The following BMPER variants were observed in gnomAD, a reference collection of about 807,000 sequenced individuals.
BMPER encodes BMP binding endothelial regulator, also known as BMP-binding endothelial regulator protein.
A neutral mutation model predicts 87.3 loss-of-function variants in BMPER; 45 were observed. The observed-to-expected ratio is 0.52, with a 90% CI of 0.41 to 0.66. The LOEUF (loss-of-function observed/expected upper bound fraction) is 0.66. BMPER is among the 30% of genes least tolerant of loss of function. The pLI is 0.00. For synonymous variants in BMPER, 326 were observed against 316.2 expected, an observed-to-expected ratio of 1.03 and a Z score of -0.33; for missense variants, 784 against 867.5, an observed-to-expected ratio of 0.90 and a Z score of 1.21.
chr7:33,948,780 G>C (rs1016637039), intron 3 of BMPER, among the ~76,000 whole-genome samples: 2 of 152,154 alleles, frequency 1.3e-5, no homozygotes, highest in African/African-American at 4.8e-5. Flanking sequence ...AACTGTAAGT[G>C]AATTAAAACT....
intron 2 of BMPER, among the ~76,000 whole-genome samples, chr7:33,912,525 G>A (rs1783990618): frequency 6.6e-6 from 1 of 152,306 alleles, no homozygotes; most frequent in East Asian, 1.9e-4. Flanking sequence ...CCCCAGACTA[G>A]AATGCAAATA....
chr7:34,149,058 C>T lies in BMPER; in HGVS notation c.1877-4034C>T, dbSNP rs531474711. Among the ~76,000 whole-genome samples the T allele has an allele frequency of 2.0e-5, 3 of 152,170 alleles. No homozygotes were observed. In the East Asian group the frequency reaches 5.8e-4, roughly 29 times the overall value. ...TCCAGGAGGCATGCATTGAGCTGCT[C>T]CCCCGTGCCTGTCCCTGTGCCAGAA... On this transcript the variant is annotated intron_variant, in intron 14 of 14. Transcript: ENST00000649409.
chr7:33,969,526 A>T (rs1785484356), intron 4 of BMPER, among the ~76,000 whole-genome samples: 1 of 152,082 alleles, frequency 6.6e-6, no homozygotes, highest in Non-Finnish European at 1.5e-5. Flanking sequence ...CAGCCTCCTG[A>T]GTAGCTGGGA....
intron 13 of BMPER, among the ~76,000 whole-genome samples, chr7:34,118,731 A>G (rs1187788844): frequency 6.6e-6 from 1 of 152,220 alleles, no homozygotes; most frequent in Admixed American, 6.5e-5. Flanking sequence ...TATGAAATTA[A>G]TATTTAGATT....
At chr7:33,994,593 C>T (rs1388544762) in intron 6 of BMPER, among the ~76,000 whole-genome samples, 3 of 152,222 alleles carry the variant, frequency 2.0e-5, no homozygotes, top group African/African-American at 4.8e-5. Context: ...GCGTCACTCA[C>T]GCTGGGAGCT....
At chr7:34,022,959 T>G (rs747495397) in intron 6 of BMPER, among the ~76,000 whole-genome samples, 155 of 151,956 alleles carry the variant, frequency 1.0e-3, no homozygotes, top group Non-Finnish European at 2.0e-3. Flanking sequence ...TTTAAGCCAA[T>G]TGGGAATGCT....
At chr7:34,059,026 A>AG (rs909056709) in intron 10 of BMPER, among the ~76,000 whole-genome samples, 2 of 139,746 alleles carry the variant, frequency 1.4e-5, no homozygotes, top group African/African-American at 5.5e-5. Context: ...GAGGAAAAAA[A>AG]GAAAAAAAAA....
chr7:34,024,398 T>A (rs1382168423), intron 6 of BMPER, among the ~76,000 whole-genome samples: 100 of 14,234 alleles, frequency 7.0e-3, no homozygotes, highest in African/African-American at 0.03. Flanking sequence ...TATATATATA[T>A]ATATATATAT....
intron 13 of BMPER, among the ~76,000 whole-genome samples, chr7:34,135,882 G>A (rs1790705337): frequency 6.6e-6 from 1 of 152,034 alleles, no homozygotes; most frequent in South Asian, 2.1e-4. Flanking sequence ...GGGGGATGAG[G>A]GGAGAATTTG....
chr7:33,971,934 A>G (rs58567694), intron 5 of BMPER, among the ~76,000 whole-genome samples: 38,781 of 151,938 alleles, frequency 0.26, 5,208 homozygotes, highest in Admixed American at 0.33. Context: ...ATGGAGTCTC[A>G]CTCTGTCGCC....
At chr7:34,080,630 G>A (rs1309676454) in intron 12 of BMPER, among the ~76,000 whole-genome samples, 1 of 152,148 alleles carries the variant, frequency 6.6e-6, no homozygotes, top group African/African-American at 2.4e-5. Flanking sequence ...AGGAGGCAAA[G>A]TTTTTTGGCT....
At chr7:34,098,460 T>G (rs1789591844) in intron 13 of BMPER, among the ~76,000 whole-genome samples, 1 of 152,118 alleles carries the variant, frequency 6.6e-6, no homozygotes, top group Non-Finnish European at 1.5e-5. Flanking sequence ...TAGGGAAATA[T>G]GTGATTTTCA....
At chr7:33,994,744 G>A (rs945033243) in intron 6 of BMPER, among the ~76,000 whole-genome samples, 5 of 152,138 alleles carry the variant, frequency 3.3e-5, no homozygotes, top group African/African-American at 1.2e-4. Flanking sequence ...TGAACAAAAG[G>A]CCATTGTCCT....
intron 13 of BMPER, among the ~76,000 whole-genome samples, chr7:34,089,211 G>GT (rs1253337078): frequency 6.6e-6 from 1 of 152,038 alleles, no homozygotes; most frequent in Non-Finnish European, 1.5e-5. Context: ...AAAAATATCT[G>GT]TATTTTCCTT....
chr7:34,127,169 G>T lies in BMPER; in HGVS notation c.1746-16061G>T, dbSNP rs73320484. 6.1e-3 allele frequency among the ~76,000 whole-genome samples: 924 copies of T among 152,264 alleles called. 6 individuals carry two copies. Among genetic ancestry groups the T allele is most frequent in the African/African-American group, 0.021 (893 of 41,546 alleles). On this transcript the variant is annotated intron_variant, in intron 13 of 14. Coordinates refer to ENST00000649409, the MANE Select transcript of BMPER (RefSeq NM_001365308.1). ...TTGGTAAGAGAGAGTGAGAGAACCC[G>T]TTGGTGGGCTTTTGGCTGAAGTTGG... is the stretch of plus-strand genomic sequence containing the variant.
chr7:34,098,873 T>A (rs1180597578), intron 13 of BMPER, among the ~76,000 whole-genome samples: 1 of 152,120 alleles, frequency 6.6e-6, no homozygotes, highest in Admixed American at 6.5e-5. Context: ...ACAGCTGAGT[T>A]TGGTATTTAC....
chr7:34,053,502 A>G (rs1365697857), intron 8 of BMPER, among the ~76,000 whole-genome samples: 2 of 152,184 alleles, frequency 1.3e-5, no homozygotes, highest in African/African-American at 4.8e-5. Context: ...GACTTAACTA[A>G]TAGCCTACTG....
rs753737282 is a variant in BMPER at position 33,970,390 on chromosome 7, A to G, written c.464A>G (p.His155Arg). The G allele has an allele frequency of 1.2e-6, 2 of 1,614,044 alleles. No individual in the cohort carries two copies. Among genetic ancestry groups the G allele is most frequent in the South Asian group, 1.1e-5 (1 of 91,086 alleles). The part of the protein sequence containing the change: ...CVVHCKNPLE[H>R]LGMCCPTCPG... ...GTTCATTGTAAAAACCCTTTGGAGC[A>G]TCTGGGAATGTGCTGCCCCACATGT... Residue 155 changes from histidine (H) to arginine (R), a missense_variant, in exon 5 of 15, where the codon CAT becomes CGT. Coordinates refer to ENST00000649409, the MANE Select transcript of BMPER (RefSeq NM_001365308.1).
At chr7:34,048,537 AT>A (rs1310738207) in intron 7 of BMPER, among the ~76,000 whole-genome samples, 1 of 152,178 alleles carries the variant, frequency 6.6e-6, no homozygotes, top group Non-Finnish European at 1.5e-5. Flanking sequence ...GCTGTGGGCC[AT>A]GGTGGAAGCA....
Sources: gnomAD v4.1 joint callset for allele counts (sites outside exome capture counted in the v4.1 genomes callset) on GRCh38, gnomAD v4.1.1 for gene constraint, MANE v1.5 for transcripts, NCBI Gene and HGNC (gene_info 2026-07-23, HGNC 2026-07-21) for gene names.